The following CLGN variants were observed in gnomAD, a reference collection of about 807,000 sequenced individuals.
The protein encoded by CLGN is calmegin, also known as testis tissue sperm-binding protein Li 79P.
A neutral mutation model predicts 79.1 loss-of-function variants in CLGN; 62 were observed. The ratio of observed to expected loss-of-function variants is 0.78; its 90% CI spans 0.64 to 0.97. The LOEUF (loss-of-function observed/expected upper bound fraction) is 0.97. Among genes scored for constraint, CLGN ranks in the 50% least tolerant of loss-of-function variants. The pLI is 0.00. For synonymous variants in CLGN, 225 were observed against 224.7 expected (o/e 1.00, Z -0.01); for missense variants, 647 against 715.5 (o/e 0.90, Z 1.09).
chr4:140,398,072 C>T (rs911761743), intron 8 of CLGN, among the ~76,000 whole-genome samples: 1 of 152,032 alleles, frequency 6.6e-6, no homozygotes, highest in African/African-American at 2.4e-5. Context: ...AAATAATCAA[C>T]TTTACAAATG....
Position 140,390,660 on chromosome 4 carries a change from T to G in CLGN, c.1720A>C (p.Asn574His), listed in dbSNP as rs372814271. The G allele has an allele frequency of 6.9e-6, 11 of 1,604,396 alleles. No homozygotes were observed. Among genetic ancestry groups the G allele is most frequent in the Admixed American group, 1.7e-5 (1 of 59,346 alleles). Residue 574 changes from asparagine (N) to histidine (H), a missense_variant, in exon 14 of 15, where the codon AAT becomes CAT. Transcript: ENST00000325617. ...TCTGACCCAGACTTATTTGATTGAT[T>G]ACTTTCTTCTTGCCCTTCTATGATT... is the stretch of plus-strand genomic sequence containing the variant. ...IEIIEGQEES[N>H]QSNKSGSEDE...
intron 1 of CLGN, among the ~76,000 whole-genome samples, chr4:140,419,867 C>T (rs1729430452): frequency 1.3e-5 from 2 of 152,072 alleles, no homozygotes; most frequent in South Asian, 4.2e-4. Flanking sequence ...TCCTTAATTT[C>T]CTAGTTATTG....
At chr4:140,392,870 A>T (rs1277750078) in intron 11 of CLGN, among the ~76,000 whole-genome samples, 159 bp from the exon 12 acceptor site, 1 of 152,150 alleles carries the variant, frequency 6.6e-6, no homozygotes, top group African/African-American at 2.4e-5. Context: ...TACTTTGTAA[A>T]GTCTAATTTA....
At chr4:140,399,424 T>C (rs1042032688) in intron 7 of CLGN, among the ~76,000 whole-genome samples, 1 of 152,218 alleles carries the variant, frequency 6.6e-6, no homozygotes, top group Non-Finnish European at 1.5e-5. Flanking sequence ...AAAAAATTAA[T>C]TTATTCTGTT....
intron 8 of CLGN, among the ~76,000 whole-genome samples, chr4:140,397,500 T>C (rs1560740349): frequency 6.6e-6 from 1 of 151,994 alleles, no homozygotes; most frequent in South Asian, 2.1e-4. Context: ...TTTCATGTAG[T>C]TGAACTTATT....
At chr4:140,415,428 C>G (rs1214896361) in intron 1 of CLGN, among the ~76,000 whole-genome samples, 60 of 151,656 alleles carry the variant, frequency 4.0e-4, no homozygotes, top group African/African-American at 1.4e-3. Context: ...GAGTCAAGAC[C>G]CATCAGTGTG....
At chr4:140,410,494 C>G (rs1729189461) in intron 3 of CLGN, 59 bp downstream of exon 3, 1 of 1,244,378 alleles carries the variant, frequency 8.0e-7, no homozygotes, top group East Asian at 2.3e-5. Flanking sequence ...AGGCCAAAAC[C>G]TAATAACTTC....
chr4:140,410,305 A>T (rs1183678011), intron 3 of CLGN, among the ~76,000 whole-genome samples: 1 of 152,030 alleles, frequency 6.6e-6, no homozygotes, highest in Admixed American at 6.6e-5. Flanking sequence ...TCTGTCCTAG[A>T]GAATAAAGAA....
At chr4:140,418,937 A>G (rs889481909) in intron 1 of CLGN, among the ~76,000 whole-genome samples, 2 of 152,204 alleles carry the variant, frequency 1.3e-5, no homozygotes, top group Non-Finnish European at 2.9e-5. Flanking sequence ...ACAATAGCAA[A>G]GACTTGGAAC....
At chr4:140,404,628 A>G (rs965517785) in intron 5 of CLGN, among the ~76,000 whole-genome samples, 4 of 151,832 alleles carry the variant, frequency 2.6e-5, no homozygotes, top group Admixed American at 1.3e-4. Flanking sequence ...AAAGACTGCT[A>G]TTCAATTCTT....
At chr4:140,403,340 C>G (rs1318076154) in intron 5 of CLGN, among the ~76,000 whole-genome samples, 1 of 152,204 alleles carries the variant, frequency 6.6e-6, no homozygotes, top group Non-Finnish European at 1.5e-5. Context: ...TAAAGGATAT[C>G]ATGCCCAATG....
Position 140,417,883 on chromosome 4 carries a change from C to T in CLGN, c.-9-4796G>A, listed in dbSNP as rs1433299591. ...GTTCATATGGAACCAAAAAAGAGCCCGCATCGCCAAGTCAATCCTAAGCCA... is the reference window on the plus strand; with the variant it reads ...GTTCATATGGAACCAAAAAAGAGCCTGCATCGCCAAGTCAATCCTAAGCCA... On this transcript the variant is annotated intron_variant, in intron 1 of 14. Coordinates refer to ENST00000325617, the MANE Select transcript of CLGN (RefSeq NM_004362.3). 1.1e-4 allele frequency among the ~76,000 whole-genome samples: 17 copies of T among 151,652 alleles called. No homozygotes were observed. The South Asian group carries it at 1.5e-3, about 13-fold the overall frequency.
intron 1 of CLGN, among the ~76,000 whole-genome samples, chr4:140,422,974 G>A (rs1029062292): frequency 6.6e-6 from 1 of 152,020 alleles, no homozygotes; most frequent in Non-Finnish European, 1.5e-5. Flanking sequence ...TTAGGGTTTT[G>A]TACATACATA....
chr4:140,392,188 T>A, intron 13 of CLGN, 31 bp downstream of exon 13: 1 of 1,605,208 alleles, frequency 6.2e-7, no homozygotes, highest in South Asian at 1.1e-5. Flanking sequence ...TTACCCAGAG[T>A]CTCCATTATA....
intron 10 of CLGN, among the ~76,000 whole-genome samples, chr4:140,395,012 G>A (rs187837662): frequency 2.6e-5 from 4 of 152,052 alleles, no homozygotes; most frequent in Non-Finnish European, 4.4e-5. Context: ...CCCCGTCTCC[G>A]CTAAAAATAC....
At chr4:140,390,497 C>T in intron 14 of CLGN, 131 bp downstream of exon 14, 1 of 489,880 alleles carries the variant, frequency 2.0e-6, no homozygotes, top group Non-Finnish European at 3.5e-6. Flanking sequence ...GTTTTAAAAA[C>T]AATATAGAGG....
intron 2 of CLGN, among the ~76,000 whole-genome samples, chr4:140,412,514 T>G (rs1380080773): frequency 6.6e-6 from 1 of 152,130 alleles, no homozygotes; most frequent in Admixed American, 6.6e-5. Flanking sequence ...CTTCCTTTTC[T>G]AATTCATCCT....
chr4:140,395,696 T>G, intron 10 of CLGN, 123 bp downstream of exon 10: 1 of 755,016 alleles, frequency 1.3e-6, no homozygotes, highest in Non-Finnish European at 1.9e-6. Context: ...GAGGTCTATT[T>G]TCTTTGACAT....
At chr4:140,389,397 T>A in intron 14 of CLGN, 93 bp from the exon 15 acceptor site, 3 of 893,836 alleles carry the variant, frequency 3.4e-6, no homozygotes, top group Non-Finnish European at 5.3e-6. Flanking sequence ...CTAAAATATA[T>A]GTGCTATCAA....
Sources: allele counts gnomAD v4.1 joint callset (sites outside exome capture counted in the v4.1 genomes callset), GRCh38; gene constraint gnomAD v4.1.1; transcripts MANE v1.5; gene names NCBI Gene and HGNC (gene_info 2026-07-23, HGNC 2026-07-21).